IQGAP2: variants seen among roughly 807,000 people sequenced by gnomAD.
IQGAP2 encodes IQ motif containing GTPase activating protein 2, also known as ras GTPase-activating-like protein IQGAP2.
A neutral mutation model predicts 201.3 loss-of-function variants in IQGAP2; 173 were observed. The observed-to-expected ratio is 0.86, with a 90% confidence interval of 0.76 to 0.98. The LOEUF is 0.98. IQGAP2 is among the 50% of genes least tolerant of loss of function. The pLI is 0.00. For synonymous variants in IQGAP2, 675 were observed against 673.9 expected, an observed-to-expected ratio of 1.00 and a Z score of -0.03; for missense variants, 1,687 against 1,864.8, an observed-to-expected ratio of 0.90 and a Z score of 1.76.
At chr5:76,642,550 TAC>T (rs1472883827) in intron 17 of IQGAP2, among the ~76,000 whole-genome samples, 1 of 152,074 alleles carries the variant, frequency 6.6e-6, no homozygotes, top group Non-Finnish European at 1.5e-5. Flanking sequence ...AAGTGAATAA[TAC>T]AGTTAATAGG....
At position 76,656,198 on chromosome 5, in the gene IQGAP2, G is replaced by T. The variant is rs192399236; in HGVS notation, c.2320+1195G>T. Among the ~76,000 whole-genome samples, 1,468 of 146,820 alleles carry T rather than the reference G, an allele frequency of 1.0e-2. 22 individuals carry two copies. Among genetic ancestry groups the T allele is most frequent in the African/African-American group, 0.034 (1,357 of 39,560 alleles). ...TTGTTGTTTTTGGGGTTTTTTGTTG[G>T]TTTTTTTTGTTTGTTTTTTGTTTTT... On this transcript the variant is annotated intron_variant, in intron 20 of 35. Coordinates refer to ENST00000274364, the MANE Select transcript of IQGAP2 (RefSeq NM_006633.5).
intron 1 of IQGAP2, among the ~76,000 whole-genome samples, chr5:76,431,817 CA>C (rs11292591): frequency 0.5 from 57,265 of 114,042 alleles, 12,745 homozygotes; most frequent in African/African-American, 0.62. Flanking sequence ...GACTCTGTAT[CA>C]AAAAAAAAAA....
At chr5:76,465,142 T>C (rs1399226619) in intron 2 of IQGAP2, among the ~76,000 whole-genome samples, 1 of 152,186 alleles carries the variant, frequency 6.6e-6, no homozygotes, top group Non-Finnish European at 1.5e-5. Context: ...ATATCTCTTA[T>C]GAATACAAAT....
chr5:76,500,460 G>A (rs1370334245), intron 2 of IQGAP2, among the ~76,000 whole-genome samples: 1 of 152,178 alleles, frequency 6.6e-6, no homozygotes, highest in African/African-American at 2.4e-5. Flanking sequence ...CTCTATAGAA[G>A]TAGTAAGACA....
intron 17 of IQGAP2, among the ~76,000 whole-genome samples, chr5:76,644,116 A>G (rs1284410021): frequency 1.3e-5 from 2 of 152,008 alleles, no homozygotes; most frequent in East Asian, 1.9e-4. Context: ...GTTAAAGTCT[A>G]TAAAATAGAG....
Position 76,511,837 on chromosome 5 carries a change from C to T in IQGAP2, c.146+50168C>T, listed in dbSNP as rs923376750. Among the ~76,000 whole-genome samples, 15 of 152,094 alleles carry T rather than the reference C, an allele frequency of 9.9e-5. No individual in the cohort carries two copies. In the East Asian group the frequency reaches 1.9e-3, roughly 20 times the overall value. ...CTGGGACTACAGGCGCCCGCCACTA[C>T]GCCCGGCTAATTTTTTGTATTTTTA... On this transcript the variant is annotated intron_variant, in intron 2 of 35. Coordinates refer to ENST00000274364, the MANE Select transcript of IQGAP2 (RefSeq NM_006633.5).
intron 4 of IQGAP2, among the ~76,000 whole-genome samples, chr5:76,573,734 C>T (rs913180431): frequency 2.6e-5 from 4 of 152,040 alleles, no homozygotes; most frequent in African/African-American, 9.6e-5. Context: ...GCCTCAGCCA[C>T]CCAAGTAGCT....
chr5:76,412,199 G>C (rs538406180), intron 1 of IQGAP2, among the ~76,000 whole-genome samples: 81 of 152,314 alleles, frequency 5.3e-4, no homozygotes, highest in Non-Finnish European at 7.1e-4. Flanking sequence ...ATAAAAGATA[G>C]GAGGACATTT....
intron 23 of IQGAP2, 131 bp downstream of exon 23, chr5:76,668,975 T>G (rs1227441585): frequency 7.2e-6 from 4 of 553,844 alleles, no homozygotes; most frequent in Non-Finnish European, 1.2e-5. Context: ...ATATCAAGTT[T>G]CTTGAGAATA....
intron 2 of IQGAP2, among the ~76,000 whole-genome samples, chr5:76,485,737 C>T (rs1207813870): frequency 1.3e-5 from 2 of 152,160 alleles, no homozygotes; most frequent in African/African-American, 2.4e-5. Flanking sequence ...CTTGGCCAGG[C>T]ACTCATTCTG....
At chr5:76,705,139 CTAATTATGGAAGATAATTAGCTGGGA>C (rs926157538) in intron 35 of IQGAP2, among the ~76,000 whole-genome samples, 3 of 152,100 alleles carry the variant, frequency 2.0e-5, no homozygotes, top group African/African-American at 4.8e-5. Flanking sequence ...GTTCAGACAG[CTAATTATGGAAGATAATTAGCTGGGA>C]TAATTATGGA....
chr5:76,509,033 G>A (rs200021166), intron 2 of IQGAP2, among the ~76,000 whole-genome samples: 1 of 43,824 alleles, frequency 2.3e-5, no homozygotes, highest in African/African-American at 9.8e-5. Flanking sequence ...ATATATATGT[G>A]TGTGTGTGTG....
At chr5:76,577,617 G>A (rs1481512697) in intron 5 of IQGAP2, among the ~76,000 whole-genome samples, 2 of 152,206 alleles carry the variant, frequency 1.3e-5, no homozygotes, top group African/African-American at 4.8e-5. Flanking sequence ...AGTCCCAAGT[G>A]TATCTTGCAG....
chr5:76,641,765 G>C (rs1751607100), intron 17 of IQGAP2, among the ~76,000 whole-genome samples: 1 of 152,110 alleles, frequency 6.6e-6, no homozygotes, highest in African/African-American at 2.4e-5. Flanking sequence ...TCTTTTTATT[G>C]TGAGTTCAAA....
rs139485808 is a variant in IQGAP2, at chr5:76,412,548, T to G, written c.46+8957T>G. On this transcript the variant is annotated intron_variant, in intron 1 of 35. Transcript: ENST00000274364. ...TTAAGTAATGTTAATGCATATCCTA[T>G]AGTTGTCTCCAAATAAGTAGACTTG... Among the ~76,000 whole-genome samples, 62 of 152,330 alleles carry G rather than the reference T, an allele frequency of 4.1e-4. No homozygotes were observed. The East Asian group carries it at 0.011, about 28-fold the overall frequency.
At chr5:76,648,761 G>C (rs909757583) in intron 17 of IQGAP2, among the ~76,000 whole-genome samples, 3 of 152,226 alleles carry the variant, frequency 2.0e-5, no homozygotes, top group African/African-American at 7.2e-5. Flanking sequence ...AGTAACAGAT[G>C]TGGAAACCCA....
chr5:76,632,174 G>C (rs1750769668), intron 15 of IQGAP2, 148 bp downstream of exon 15: 1 of 649,718 alleles, frequency 1.5e-6, no homozygotes, highest in Admixed American at 3.6e-5. Context: ...ATTAGGAAAA[G>C]TTTTAGATGT....
chr5:76,678,497 G>GA (rs766087656), intron 28 of IQGAP2, among the ~76,000 whole-genome samples: 5 of 151,936 alleles, frequency 3.3e-5, no homozygotes, highest in Non-Finnish European at 4.4e-5. Context: ...CTTATTTCAT[G>GA]AAAAAATCTT....
At chr5:76,681,027 G>A (rs1745236242) in intron 28 of IQGAP2, among the ~76,000 whole-genome samples, 1 of 140,304 alleles carries the variant, frequency 7.1e-6, no homozygotes, top group Non-Finnish European at 1.5e-5. Flanking sequence ...AGTCACTTGA[G>A]CCTGGGAGGT....
Sources: gnomAD v4.1 joint callset for allele counts (sites outside exome capture counted in the v4.1 genomes callset) on GRCh38, gnomAD v4.1.1 for gene constraint, MANE v1.5 for transcripts, NCBI Gene and HGNC (gene_info 2026-07-23, HGNC 2026-07-21) for gene names.